The following PEAK1 variants were observed in gnomAD, a reference collection of about 807,000 sequenced individuals.
PEAK1 encodes inactive tyrosine-protein kinase PEAK1.
PEAK1 carries 54 observed loss-of-function variants against 124.7 expected under a neutral mutation model. The observed-to-expected ratio is 0.43, with a 90% confidence interval of 0.35 to 0.54. The LOEUF is 0.54. Among genes scored for constraint, PEAK1 ranks in the 20% least tolerant of loss-of-function variants. PEAK1 has a pLI of 0.01. For synonymous variants in PEAK1, 719 were observed against 760.0 expected, an observed-to-expected ratio of 0.95 and a Z score of 0.89; for missense variants, 2,046 against 2,134.5, an observed-to-expected ratio of 0.96 and a Z score of 0.82.
intron 8 of PEAK1, among the ~76,000 whole-genome samples, chr15:77,149,754 CTT>C (rs553475171): frequency 2.1e-5 from 3 of 144,856 alleles, no homozygotes; most frequent in African/African-American, 2.5e-5. Flanking sequence ...ATTGGCATCA[CTT>C]TTTTTTTTTT....
intron 6 of PEAK1, among the ~76,000 whole-genome samples, chr15:77,240,478 G>A (rs571614517): frequency 6.6e-6 from 1 of 151,882 alleles, no homozygotes; most frequent in Non-Finnish European, 1.5e-5. Flanking sequence ...AAATGAGCCT[G>A]GTGTAGTGGC....
chr15:77,198,114 T>C (rs987898637), intron 6 of PEAK1, among the ~76,000 whole-genome samples: 3 of 152,188 alleles, frequency 2.0e-5, no homozygotes, highest in African/African-American at 7.2e-5. Flanking sequence ...TGCATAAGTA[T>C]ATGAATAACC....
intron 1 of PEAK1, among the ~76,000 whole-genome samples, chr15:77,399,173 G>A (rs757818076): frequency 6.6e-6 from 1 of 152,258 alleles, no homozygotes; most frequent in East Asian, 1.9e-4. Context: ...TTGTTAAAAT[G>A]TCCACACAAC....
intron 5 of PEAK1, among the ~76,000 whole-genome samples, chr15:77,261,451 C>T (rs960496019): frequency 2.0e-5 from 3 of 152,172 alleles, no homozygotes; most frequent in East Asian, 3.9e-4. Flanking sequence ...CTGAAAACCA[C>T]GGCACGAGAA....
chr15:77,212,139 A>G (rs1272528171), intron 6 of PEAK1, among the ~76,000 whole-genome samples: 5 of 152,116 alleles, frequency 3.3e-5, no homozygotes, highest in African/African-American at 1.2e-4. Flanking sequence ...ATAAAGAAAG[A>G]TTTTTCATTT....
chr15:77,337,044 A>C (rs1203352412), intron 2 of PEAK1: 4 of 841,698 alleles, frequency 4.8e-6, no homozygotes, highest in Non-Finnish European at 5.7e-6. Context: ...GTAGGTGTTT[A>C]TGGAGGAAAC....
intron 5 of PEAK1, among the ~76,000 whole-genome samples, chr15:77,257,009 G>C (rs1286832019): frequency 6.6e-6 from 1 of 152,056 alleles, no homozygotes; most frequent in Non-Finnish European, 1.5e-5. Flanking sequence ...AGTATACTGA[G>C]AATGATGATT....
At chr15:77,358,456 C>G (rs1385919130) in intron 2 of PEAK1, among the ~76,000 whole-genome samples, 1 of 152,114 alleles carries the variant, frequency 6.6e-6, no homozygotes, top group Non-Finnish European at 1.5e-5. Flanking sequence ...ACTAAAAGAC[C>G]AAACCAAAAG....
intron 2 of PEAK1, among the ~76,000 whole-genome samples, chr15:77,312,069 T>TA (rs1440751496): frequency 6.6e-6 from 1 of 151,860 alleles, no homozygotes; most frequent in Non-Finnish European, 1.5e-5. Flanking sequence ...GTAAAGGAAA[T>TA]AAAGAAAACG....
chr15:77,319,205 A>G lies in PEAK1; in HGVS notation c.-602-32701T>C, dbSNP rs186862004. 5.2e-3 allele frequency among the ~76,000 whole-genome samples: 795 copies of G among 152,260 alleles called. 6 individuals are homozygous for G. The highest frequency in any genetic ancestry group is 0.018 in the African/African-American group (745 of 41,562). ...AAATTATTCTGGTCTATAACAGGTG[A>G]AATTCTGGCAAACGGAAGGTAAGAA... On this transcript the variant is annotated intron_variant, in intron 2 of 9. Transcript: ENST00000682557.
chr15:77,130,166 A>G (rs776598849), intron 9 of PEAK1, among the ~76,000 whole-genome samples: 1 of 152,186 alleles, frequency 6.6e-6, no homozygotes, highest in African/African-American at 2.4e-5. Context: ...GCAATAATAC[A>G]TAAAGTTAGT....
At chr15:77,322,082 G>T (rs1015224012) in intron 2 of PEAK1, among the ~76,000 whole-genome samples, 3 of 152,112 alleles carry the variant, frequency 2.0e-5, no homozygotes, top group Admixed American at 6.6e-5. Flanking sequence ...TGAAACCAAC[G>T]AGAACAAAGA....
chr15:77,348,937 T>C lies in PEAK1; in HGVS notation c.-603+16226A>G, dbSNP rs866601222. On this transcript the variant is annotated intron_variant, in intron 2 of 9. Transcript: ENST00000682557. ...GATTATAGGCATGACTTACCATGTATGGACTATGTCTCTTAAAATAGAGAT... is the reference window on the plus strand; with the variant it reads ...GATTATAGGCATGACTTACCATGTACGGACTATGTCTCTTAAAATAGAGAT... 19 of 947,316 alleles carry C rather than the reference T, an allele frequency of 2.0e-5. No homozygotes were observed. The African/African-American group carries it at 2.8e-4, about 14-fold the overall frequency. 58.7% of individuals were successfully genotyped at this position (947,316 alleles called of 1,614,324 possible).
intron 6 of PEAK1, among the ~76,000 whole-genome samples, chr15:77,219,883 A>G (rs1382519927): frequency 6.6e-6 from 1 of 152,166 alleles, no homozygotes; most frequent in Admixed American, 6.6e-5. Flanking sequence ...ATACCCTAGT[A>G]ATTTTATATG....
rs762652758 is a variant in PEAK1, at chr15:77,158,674, C to G, written c.3160G>C (p.Glu1054Gln). The change falls in exon 8 of 10, where the codon GAG becomes CAG. Residue 1054 changes from glutamate to glutamine, a missense_variant. By Grantham distance (29) the Glu-to-Gln change is conservative. Transcript: ENST00000682557. ...ILSHMTHEVT[E>Q]DFSPRDPRTV... The stretch of plus-strand genomic sequence containing the variant: ...CTTGGATCCCGAGGAGAAAAATCCT[C>G]TGTTACTTCATGGGTCATGTGACTG... 1 of 1,614,080 alleles carries G rather than the reference C, an allele frequency of 6.2e-7. No individual in the cohort carries two copies. Among genetic ancestry groups the G allele is most frequent in the East Asian group, 2.2e-5 (1 of 44,870 alleles).
intron 7 of PEAK1, among the ~76,000 whole-genome samples, chr15:77,171,602 T>C (rs2056510742): frequency 6.6e-6 from 1 of 152,206 alleles, no homozygotes; most frequent in Non-Finnish European, 1.5e-5. Flanking sequence ...AAATAAGTTC[T>C]AGTGTTCTAT....
intron 7 of PEAK1, among the ~76,000 whole-genome samples, chr15:77,165,340 G>T (rs373346940): frequency 2.6e-5 from 4 of 152,020 alleles, no homozygotes; most frequent in African/African-American, 7.2e-5. Context: ...GACTACAGGT[G>T]CCTGCCACCA....
In PEAK1 at chr15:77,115,336, C is replaced by T. The variant is rs915804996; in HGVS notation, c.4078-17G>A. The T allele has an allele frequency of 1.1e-5, 18 of 1,597,048 alleles. No individual in the cohort carries two copies. The highest frequency in any genetic ancestry group is 1.5e-5 in the Non-Finnish European group (17 of 1,167,456). On this transcript the variant is annotated splice_polypyrimidine_tract_variant and intron_variant, in intron 9 of 9. Transcript: ENST00000682557. ...CTTACAGATCTGAAAGATAATAAAA[C>T]AATTCAAAACTCACACTCTCATAAC...
intron 9 of PEAK1, 152 bp from the exon 10 acceptor site, chr15:77,115,471 A>T: frequency 4.3e-6 from 3 of 690,868 alleles, no homozygotes; most frequent in Non-Finnish European, 7.2e-6. Context: ...TGGCAATAAT[A>T]ATGGTGGTAA....
Sources: gnomAD v4.1 joint callset for allele counts (sites outside exome capture counted in the v4.1 genomes callset) on GRCh38, gnomAD v4.1.1 for gene constraint, MANE v1.5 for transcripts, NCBI Gene and HGNC (gene_info 2026-07-23, HGNC 2026-07-21) for gene names.